Variants in RNF123 observed in about 807,000 individuals in gnomAD.
The protein encoded by RNF123 is ring finger protein 123.
RNF123 carries 86 observed loss-of-function variants against 168.5 expected under a neutral mutation model. That is an observed-to-expected ratio of 0.51 (90% CI 0.43 to 0.61). The LOEUF (loss-of-function observed/expected upper bound fraction) is 0.61. Ranked by LOEUF, RNF123 falls within the 20% of genes least tolerant of loss-of-function variation. RNF123 has a pLI of 0.00. For synonymous variants in RNF123, 666 were observed against 689.1 expected (o/e 0.97, Z 0.52); for missense variants, 1,419 against 1,729.7 (o/e 0.82, Z 3.19).
At chr3:49,698,310 C>T in intron 7 of RNF123, 130 bp from the exon 8 acceptor site, 1 of 947,018 alleles carries the variant, frequency 1.1e-6, no homozygotes, top group South Asian at 1.5e-5. Flanking sequence ...TCAGAGAATA[C>T]CTCTTACTCT....
Position 49,702,140 on chromosome 3 carries a change from A to C in RNF123, c.1553A>C (p.Asn518Thr). Residue 518 changes from asparagine (N) to threonine (T), a missense_variant, in exon 18 of 39, where the codon AAT becomes ACT. By Grantham distance (65) the Asn-to-Thr change is moderately conservative (BLOSUM62 0). Transcript: ENST00000327697. ...CTGCTGCTGGACAATAAAGATGACA[A>C]TGGGGTGAGTGACTCCCAGGAGCCC... ...LKLLLDNKDD[N>T]GGEASRYIFL... The C allele has an allele frequency of 1.2e-6, 2 of 1,613,092 alleles. No individual in the cohort carries two copies. Among genetic ancestry groups the C allele is most frequent in the Non-Finnish European group, 1.7e-6 (2 of 1,179,172 alleles).
chr3:49,700,309 C>T lies in RNF123; in HGVS notation c.1067C>T (p.Ser356Phe), dbSNP rs1313995141. The T allele has an allele frequency of 1.9e-6, 3 of 1,614,218 alleles. No homozygotes were observed. The highest frequency in any genetic ancestry group is 3.3e-5 in the Admixed American group (2 of 60,026). ...VEKGTPTQAQ[S>F]VVHQVLDLLW... ...AAGGGCACACCCACACAGGCACAGT[C>T]CGTGGTGCACCAGGTCCTGGACCTC... Residue 356 changes from serine to phenylalanine, a missense_variant, in exon 13 of 39, where the codon TCC (serine) becomes TTC (phenylalanine). Ser to Phe is a radical substitution (Grantham distance 155, BLOSUM62 -2). Coordinates refer to ENST00000327697, the MANE Select transcript of RNF123 (RefSeq NM_022064.5).
At chr3:49,718,374 C>A (rs769465616) in intron 35 of RNF123, 1 of 1,613,366 alleles carries the variant, frequency 6.2e-7, no homozygotes, top group Non-Finnish European at 8.5e-7. Flanking sequence ...TGTACTCGTG[C>A]GTCTGGTTGT....
At position 49,720,661 on chromosome 3, in the gene RNF123, G is replaced by C. The variant is rs375018446; in HGVS notation, c.3643+8G>C. The C allele has an allele frequency of 2.5e-6, 4 of 1,596,324 alleles. No homozygotes were observed. Among genetic ancestry groups the C allele is most frequent in the Non-Finnish European group, 3.4e-6 (4 of 1,167,224 alleles). On this transcript the variant is annotated splice_region_variant and intron_variant, in intron 36 of 38. Coordinates refer to ENST00000327697, the MANE Select transcript of RNF123 (RefSeq NM_022064.5). Reference sequence around the variant, plus strand: ...GCTTCTCCCTGCAGAGCTGTGAGTGGGCTGGTGGGGCAGGTCAGGGAAATC... The same window carrying C: ...GCTTCTCCCTGCAGAGCTGTGAGTGCGCTGGTGGGGCAGGTCAGGGAAATC...
intron 26 of RNF123, among the ~76,000 whole-genome samples, chr3:49,707,372 T>C (rs2054539759): frequency 6.6e-6 from 1 of 152,208 alleles, no homozygotes; most frequent in Non-Finnish European, 1.5e-5. Context: ...TGCCAGGTGC[T>C]GTCCTGGAAC....
At chr3:49,693,554 G>A (rs1377788185) in intron 3 of RNF123, among the ~76,000 whole-genome samples, 1 of 151,052 alleles carries the variant, frequency 6.6e-6, no homozygotes, top group African/African-American at 2.4e-5. Context: ...ATGGGGTTTC[G>A]CCATGTTGGC....
rs909798759 is a variant in RNF123 at position 49,704,709 on chromosome 3, A to G, written c.1912A>G (p.Met638Val). The stretch of plus-strand genomic sequence containing the variant: ...CCCACTGGAGCTCCAGTCAACCGCC[A>G]TGGATGACCTAGATGAGGATGAGGA... ...IDPLELQSTAMDDLDEDEEPA... is the reference protein window; with the variant it reads ...IDPLELQSTAVDDLDEDEEPA... Residue 638 changes from methionine to valine, a missense_variant, in exon 22 of 39, where the codon ATG becomes GTG. By Grantham distance (21) the Met-to-Val change is conservative. Coordinates refer to ENST00000327697, the MANE Select transcript of RNF123 (RefSeq NM_022064.5). 30 of 1,603,300 alleles carry G rather than the reference A, an allele frequency of 1.9e-5. No homozygotes were observed. Among genetic ancestry groups the G allele is most frequent in the Non-Finnish European group, 2.4e-5 (28 of 1,175,004 alleles).
chr3:49,697,775 C>T, intron 5 of RNF123, 110 bp from the exon 6 acceptor site: 3 of 1,372,108 alleles, frequency 2.2e-6, no homozygotes, highest in Non-Finnish European at 3.1e-6. Flanking sequence ...GTGTTGGCCG[C>T]CACAGGCAAA....
intron 27 of RNF123, 100 bp from the exon 28 acceptor site, chr3:49,713,413 C>T: frequency 4.2e-6 from 5 of 1,193,542 alleles, no homozygotes; most frequent in East Asian, 2.6e-5. Flanking sequence ...CCTTGGGAGC[C>T]AGCTCTAGAG....
intron 35 of RNF123, among the ~76,000 whole-genome samples, 160 bp downstream of exon 35, chr3:49,716,637 T>C (rs893433084): frequency 6.6e-6 from 1 of 152,076 alleles, no homozygotes. Context: ...ACGGCCTAAA[T>C]AGGGGGCAGA....
At chr3:49,692,251 A>G (rs954676119) in intron 3 of RNF123, among the ~76,000 whole-genome samples, 7 of 152,238 alleles carry the variant, frequency 4.6e-5, no homozygotes, top group African/African-American at 1.4e-4. Flanking sequence ...CTGTCTCTAA[A>G]AAAAGAAGGA....
chr3:49,706,091 G>A (rs1472367739), intron 25 of RNF123, 26 bp downstream of exon 25: 1 of 1,603,852 alleles, frequency 6.2e-7, no homozygotes, highest in Admixed American at 1.7e-5. Context: ...TCTTGGTGAG[G>A]GGCAGCTTGC....
rs776447448 is a variant in RNF123 at position 49,701,822 on chromosome 3, C to A, written c.1407C>A (p.Ser469Arg). 3.2e-6 allele frequency: 5 copies of A among 1,572,228 alleles called. No individual in the cohort carries two copies. The South Asian group carries it at 4.7e-5, about 15-fold the overall frequency. Residue 469 changes from serine (S) to arginine (R), a missense_variant, in exon 17 of 39, where the codon AGC becomes AGA. Ser to Arg is a moderately radical substitution (Grantham distance 110). Around this residue, in one of 5 missense-constraint regions of RNF123, gnomAD observed 349 missense variants for 344.9 expected, o/e 1.01. Coordinates refer to ENST00000327697, the MANE Select transcript of RNF123 (RefSeq NM_022064.5). Reference sequence around the variant, plus strand: ...CTACCCCTGCCTAGGGCAAAGAGAGCACGGAGATGAAGGAGGAGACCGCAG... The same window carrying A: ...CTACCCCTGCCTAGGGCAAAGAGAGAACGGAGATGAAGGAGGAGACCGCAG... ...PHCSSREGKE[S>R]TEMKEETAEE...
rs368089659 is a variant in RNF123 at position 49,705,976 on chromosome 3, G to A, written c.2305-6G>A. The A allele has an allele frequency of 3.7e-6, 6 of 1,613,522 alleles. No individual in the cohort carries two copies. In the African/African-American group the frequency reaches 4.0e-5, roughly 11 times the overall value. On this transcript the variant is annotated splice_region_variant and splice_polypyrimidine_tract_variant and intron_variant, in intron 24 of 38. Coordinates refer to ENST00000327697, the MANE Select transcript of RNF123 (RefSeq NM_022064.5). ...CACTCTGGACATGTGGTCCCATGCT[G>A]TGTAGATGGTGGGTGTCTCCGATGA...
At chr3:49,709,609 AT>A (rs922356963) in intron 26 of RNF123, among the ~76,000 whole-genome samples, 5 of 113,962 alleles carry the variant, frequency 4.4e-5, no homozygotes, top group South Asian at 2.8e-4. Flanking sequence ...CTAATTTTGT[AT>A]TTTTTTTTAG....
rs200267865 is a variant in RNF123 at position 49,701,494 on chromosome 3, C to G, written c.1281C>G (p.Phe427Leu). Reference sequence around the variant, plus strand: ...GCCCTGCCTTGACACCCGCCAGCTTCGACGTGCTCCGCTCCGTCGTCTTCT... The same window carrying G: ...GCCCTGCCTTGACACCCGCCAGCTTGGACGTGCTCCGCTCCGTCGTCTTCT... ...SRKFLLSNVL[F>L]DVLRSVVFFY... is the part of the protein sequence containing the mutation. Residue 427 changes from phenylalanine (F) to leucine (L), a missense_variant, in exon 16 of 39, where the codon TTC (phenylalanine) becomes TTG (leucine). Physicochemically the swap from Phe to Leu is conservative, Grantham distance 22. This residue lies in a region of RNF123 where 349 missense variants were observed against 344.9 expected (regional missense o/e 1.01). Transcript: ENST00000327697. 8 of 1,613,374 alleles carry G rather than the reference C, an allele frequency of 5.0e-6. No individual in the cohort carries two copies. The highest frequency in any genetic ancestry group is 6.8e-6 in the Non-Finnish European group (8 of 1,179,710).
At chr3:49,719,460 G>A in intron 35 of RNF123, 15 of 1,610,956 alleles carry the variant, frequency 9.3e-6, no homozygotes, top group Non-Finnish European at 1.3e-5. Flanking sequence ...GCACCAACCA[G>A]GTCATGGCGG....
chr3:49,699,227 G>T lies in RNF123; in HGVS notation c.764+122G>T, dbSNP rs561499874. The T allele has an allele frequency of 8.9e-6, 12 of 1,355,552 alleles. No individual in the cohort carries two copies. The East Asian group carries it at 1.7e-4, about 19-fold the overall frequency. The allele number at this position is 1,355,552 out of a possible 1,614,324, so 84.0% of individuals were successfully genotyped here. A position where few individuals can be genotyped will look rare whatever the true frequency, so the allele number is the denominator to read the frequency against. On this transcript the variant is annotated intron_variant, in intron 10 of 38. Transcript: ENST00000327697. The surrounding 1 kb of genome is among the most constrained non-coding windows in gnomAD (Gnocchi z 4.8). The stretch of plus-strand genomic sequence containing the variant: ...AGGCCCTGGCTGCTGCAGAGTTAGT[G>T]GGGGGCCATGTAGAGTGTCGAAGAA...
At chr3:49,703,113 T>C (rs2054440728) in intron 20 of RNF123, among the ~76,000 whole-genome samples, 1 of 152,150 alleles carries the variant, frequency 6.6e-6, no homozygotes, top group Non-Finnish European at 1.5e-5. Context: ...GAGCCTTACC[T>C]GCCCTGGATT....
Sources: gnomAD v4.1 joint callset for allele counts (sites outside exome capture counted in the v4.1 genomes callset) on GRCh38, gnomAD v4.1.1 for gene constraint, gnomAD v4.1.1 regional missense constraint, Gnocchi (gnomAD v3.1) non-coding constraint, MANE v1.5 for transcripts, NCBI Gene and HGNC (gene_info 2026-07-23, HGNC 2026-07-21) for gene names.